The following MACROH2A1 variants were observed in gnomAD, a reference collection of about 807,000 sequenced individuals.
The protein encoded by MACROH2A1 is macroH2A.1 histone, also known as core histone macro-H2A.1.
A neutral mutation model predicts 31.6 loss-of-function variants in MACROH2A1; 2 were observed. The ratio of observed to expected loss-of-function variants is 0.06; its 90% CI spans 0.03 to 0.20. The LOEUF is 0.20. MACROH2A1 is among the 10% of genes least tolerant of loss of function. The pLI is 1.00. For missense variants in MACROH2A1, 230 were observed against 474.0 expected, an observed-to-expected ratio of 0.49 and a Z score of 4.78; for synonymous variants, 169 against 189.6, an observed-to-expected ratio of 0.89 and a Z score of 0.89.
At chr5:135,346,328 G>A (rs1760832566) in intron 6 of MACROH2A1, 5 of 453,180 alleles carry the variant, frequency 1.1e-5, no homozygotes, top group Non-Finnish European at 2.0e-5. Flanking sequence ...TGCCAGAGAT[G>A]TGAAAGAGAC....
rs192771708 is a variant in MACROH2A1, at chr5:135,398,706, G to A, written c.-34+356C>T. ...CCTAGCCAGCGCCGCGGGGCCTCCT[G>A]CGGCCTCGGGCCTGGCCCGTGAGCC... On this transcript the variant is annotated intron_variant, in intron 1 of 8. Transcript: ENST00000511689. This position sits in a 1 kb window ranked among gnomAD's most constrained non-coding sequence, Gnocchi z 4.6. 3.1e-3 allele frequency among the ~76,000 whole-genome samples: 478 copies of A among 152,300 alleles called. 1 individual carries two copies. The highest frequency in any genetic ancestry group is 0.011 in the African/African-American group (457 of 41,562).
chr5:135,383,680 T>C (rs1014812369), intron 2 of MACROH2A1, among the ~76,000 whole-genome samples: 2 of 149,538 alleles, frequency 1.3e-5, no homozygotes, highest in African/African-American at 5.1e-5. Context: ...TAATTGTCCC[T>C]TTCCTGTGTG....
intron 6 of MACROH2A1, chr5:135,350,961 A>G: frequency 8.0e-7 from 1 of 1,245,568 alleles, no homozygotes; most frequent in South Asian, 1.2e-5. Context: ...ACCGAGACCC[A>G]CGCACAGGCA....
intron 4 of MACROH2A1, 118 bp from the exon 5 acceptor site, chr5:135,360,725 C>G (rs747451345): frequency 1.6e-5 from 12 of 751,804 alleles, no homozygotes; most frequent in Non-Finnish European, 9.5e-6. Flanking sequence ...AAACCACAAC[C>G]AGTTCTCAGC....
chr5:135,371,266 TG>T (rs1764143605), intron 2 of MACROH2A1, among the ~76,000 whole-genome samples: 1 of 152,234 alleles, frequency 6.6e-6, no homozygotes. Context: ...GAAGTTTTAA[TG>T]ATCTATTGTG....
intron 6 of MACROH2A1, chr5:135,351,103 A>C: frequency 4.2e-6 from 2 of 473,046 alleles, no homozygotes; most frequent in Non-Finnish European, 7.6e-6. Flanking sequence ...GGAATATCAA[A>C]TGTGACATGT....
In MACROH2A1 at chr5:135,352,929, A is replaced by AC. The variant is rs764180497; in HGVS notation, c.688+16dup. 1.1e-5 allele frequency: 14 copies of AC among 1,304,392 alleles called. No homozygotes were observed. In the Admixed American group the frequency reaches 2.3e-4, roughly 22 times the overall value. The allele number at this position is 1,304,392 out of a possible 1,614,324, so 80.8% of individuals were successfully genotyped here. A position where few individuals can be genotyped will look rare whatever the true frequency, so the allele number is the denominator to read the frequency against. ...TTCATCTGACAGCTGGTGGTGCCGA[A>AC]CCCCGTCCCCAATTACCTAGGTCAT... On this transcript the variant is annotated intron_variant, in intron 6 of 8. Coordinates refer to ENST00000511689, the MANE Select transcript of MACROH2A1 (RefSeq NM_138610.3).
rs1422642356 is a variant in MACROH2A1 at position 135,334,489 on chromosome 5, T to C, written c.*487A>G. ...ATTAAATCTTTCATTTTCAAATCCA[T>C]CAATAAGACAAAAAGTAACCAAAAA... On this transcript the variant is annotated 3_prime_UTR_variant, in exon 9 of 9. Coordinates refer to ENST00000511689, the MANE Select transcript of MACROH2A1 (RefSeq NM_138610.3). 5.7e-6 allele frequency: 1 copy of C among 174,148 alleles called. No homozygotes were observed. Among genetic ancestry groups the C allele is most frequent in the Non-Finnish European group, 1.2e-5 (1 of 81,674 alleles). The allele number at this position is 174,148 out of a possible 1,614,324, so 10.8% of individuals were successfully genotyped here. A position where few individuals can be genotyped will look rare whatever the true frequency, so the allele number is the denominator to read the frequency against.
intron 8 of MACROH2A1, among the ~76,000 whole-genome samples, chr5:135,339,055 C>T (rs1759316005): frequency 6.6e-6 from 1 of 152,198 alleles, no homozygotes; most frequent in South Asian, 2.1e-4. Context: ...AGCCCCTGAC[C>T]TGGCCTGTGG....
At chr5:135,358,486 G>T in intron 5 of MACROH2A1, 1 of 985,322 alleles carries the variant, frequency 1.0e-6, no homozygotes, top group Non-Finnish European at 1.2e-6. Flanking sequence ...CTGGTGTTTT[G>T]TTTTCACCAC....
chr5:135,362,719 T>C (rs564945300), intron 4 of MACROH2A1: 9 of 152,348 alleles, frequency 5.9e-5, no homozygotes, highest in Middle Eastern at 3.4e-3. Flanking sequence ...GTTTGATCAA[T>C]TGTATATTAT....
At position 135,369,622 on chromosome 5, in the gene MACROH2A1, T is replaced by C. The variant is rs536902121; in HGVS notation, c.280-19A>G. On this transcript the variant is annotated intron_variant, in intron 3 of 8. Transcript: ENST00000511689. The surrounding 1 kb of genome is among the most constrained non-coding windows in gnomAD (Gnocchi z 4.3). ...TTAGCAGCTTTCAGGAAAACCAGAA[T>C]AGCAGATAGTGAGCCAGATACCCTG... 16 of 1,594,422 alleles carry C rather than the reference T, an allele frequency of 1.0e-5. No individual in the cohort carries two copies. The highest frequency in any genetic ancestry group is 2.2e-5 in the East Asian group (1 of 44,756).
In MACROH2A1 at chr5:135,384,873, A is replaced by T. The variant is rs1407837611; in HGVS notation, c.172+4049T>A. The stretch of plus-strand genomic sequence containing the variant: ...GAGTGACTTGCCTAAGCCACAAGTA[A>T]GAAGTGGCAACTCTGGCACCAATGC... On this transcript the variant is annotated intron_variant, in intron 2 of 8. Transcript: ENST00000511689. Among the ~76,000 whole-genome samples, 4 of 150,878 alleles carry T rather than the reference A, an allele frequency of 2.7e-5. No homozygotes were observed. The East Asian group carries it at 7.7e-4, about 29-fold the overall frequency.
chr5:135,394,115 G>T (rs1767633988), intron 1 of MACROH2A1, among the ~76,000 whole-genome samples: 1 of 152,180 alleles, frequency 6.6e-6, no homozygotes, highest in Admixed American at 6.5e-5. Flanking sequence ...TAGGGGCAAA[G>T]AACCAAAGTG....
At chr5:135,359,818 A>G (rs1174099377) in intron 5 of MACROH2A1, 1 of 954,796 alleles carries the variant, frequency 1.0e-6, no homozygotes, top group Non-Finnish European at 1.2e-6. Flanking sequence ...TGATGTCAAT[A>G]AAGAAATATT....
chr5:135,392,862 G>A (rs1353266199), intron 1 of MACROH2A1, among the ~76,000 whole-genome samples: 1 of 152,242 alleles, frequency 6.6e-6, no homozygotes, highest in Non-Finnish European at 1.5e-5. Context: ...TCTTTCAAGT[G>A]GAGATGATGC....
Position 135,369,333 on chromosome 5 carries a change from G to A in MACROH2A1, c.477+73C>T. ...GGATGAGCCCACAGGGGGAATGAGG[G>A]GGGTGCCCTGGTAACCCTGTTTATC... On this transcript the variant is annotated intron_variant, in intron 4 of 8. Coordinates refer to ENST00000511689, the MANE Select transcript of MACROH2A1 (RefSeq NM_138610.3). The surrounding 1 kb of genome is among the most constrained non-coding windows in gnomAD (Gnocchi z 4.3). 8.2e-7 allele frequency: 1 copy of A among 1,216,500 alleles called. No individual in the cohort carries two copies. Among genetic ancestry groups the A allele is most frequent in the Non-Finnish European group, 1.2e-6 (1 of 821,914 alleles). The allele number at this position is 1,216,500 out of a possible 1,614,324, so 75.4% of individuals were successfully genotyped here.
chr5:135,355,436 A>AT (rs1338145536), intron 5 of MACROH2A1: 3 of 354,044 alleles, frequency 8.5e-6, no homozygotes, highest in Admixed American at 3.7e-5. Context: ...TAGAGCTGTG[A>AT]TTTTCCAACT....
rs867644257 is a variant in MACROH2A1, at chr5:135,369,313, A to G, written c.477+93T>C. On this transcript the variant is annotated intron_variant, in intron 4 of 8. Transcript: ENST00000511689. The surrounding 1 kb of genome is among the most constrained non-coding windows in gnomAD (Gnocchi z 4.3). ...CCTTTATTCTCCCATCAGTGGGATG[A>G]GCCCACAGGGGGAATGAGGGGGGTG... 1.3e-5 allele frequency: 13 copies of G among 983,920 alleles called. No individual in the cohort carries two copies. Among genetic ancestry groups the G allele is most frequent in the Middle Eastern group, 4.2e-4 (2 of 4,780 alleles). The allele number at this position is 983,920 out of a possible 1,614,324, so 60.9% of individuals were successfully genotyped here.
Sources: gnomAD v4.1 joint callset for allele counts (sites outside exome capture counted in the v4.1 genomes callset) on GRCh38, gnomAD v4.1.1 for gene constraint, Gnocchi (gnomAD v3.1) non-coding constraint, MANE v1.5 for transcripts, NCBI Gene and HGNC (gene_info 2026-07-23, HGNC 2026-07-21) for gene names.